The following PAPPA2 variants were observed in gnomAD, a reference collection of about 807,000 sequenced individuals.
PAPPA2 encodes pappalysin 2, also known as pappalysin-2.
A neutral mutation model predicts 176.4 loss-of-function variants in PAPPA2; 86 were observed. That is an observed-to-expected ratio of 0.49 (90% CI 0.41 to 0.58). The LOEUF is 0.58. PAPPA2 is among the 20% of genes least tolerant of loss of function. The probability of loss-of-function intolerance (pLI) is 0.00; values close to 1 mark genes in which losing one functional copy is unlikely to be tolerated. For missense variants in PAPPA2, 2,073 were observed against 2,256.9 expected (o/e 0.92, Z 1.65); for synonymous variants, 809 against 852.2 (o/e 0.95, Z 0.88).
At chr1:176,725,155 C>T (rs1293303610) in intron 12 of PAPPA2, among the ~76,000 whole-genome samples, 6 of 152,104 alleles carry the variant, frequency 3.9e-5, no homozygotes, top group African/African-American at 9.7e-5. Flanking sequence ...TATATCTCAA[C>T]GAAATTATAT....
chr1:176,644,462 G>A (rs1657277711), intron 3 of PAPPA2, among the ~76,000 whole-genome samples: 1 of 151,750 alleles, frequency 6.6e-6, no homozygotes, highest in Non-Finnish European at 1.5e-5. Flanking sequence ...ATCAAAAGGA[G>A]TTACGTATGG....
chr1:176,477,892 C>T (rs1038240549), intron 1 of PAPPA2, among the ~76,000 whole-genome samples: 1 of 152,204 alleles, frequency 6.6e-6, no homozygotes, highest in African/African-American at 2.4e-5. Flanking sequence ...ATCCCAGACT[C>T]ACCTCTGTCT....
At chr1:176,728,062 A>G (rs559108436) in intron 12 of PAPPA2, among the ~76,000 whole-genome samples, 1 of 152,008 alleles carries the variant, frequency 6.6e-6, no homozygotes, top group Admixed American at 6.5e-5. Context: ...TCAAAATAAG[A>G]TCAACAATCA....
chr1:176,765,721 C>T lies in PAPPA2; in HGVS notation c.4207C>T (p.His1403Tyr), dbSNP rs753684831. ...CAGCTGTCCGTCATTGCTGCTTGAT[C>T]ATGCTGATGTGGTGAACTGTACCTC... The part of the protein sequence containing the change: ...QDSCPSLLLD[H>Y]ADVVNCTSIG... The change falls in exon 15 of 23, where the codon CAT becomes TAT. Residue 1403 changes from histidine to tyrosine, a missense_variant. Coordinates refer to ENST00000367662, the MANE Select transcript of PAPPA2 (RefSeq NM_020318.3). The T allele has an allele frequency of 2.5e-6, 4 of 1,614,104 alleles. No individual in the cohort carries two copies. Among genetic ancestry groups the T allele is most frequent in the Non-Finnish European group, 2.5e-6 (3 of 1,180,030 alleles).
chr1:176,800,480 T>C (rs999159233), intron 21 of PAPPA2, among the ~76,000 whole-genome samples: 1 of 152,200 alleles, frequency 6.6e-6, no homozygotes, highest in African/African-American at 2.4e-5. Context: ...ACAGGTTTAT[T>C]TGGCCAGCAC....
chr1:176,577,729 T>C (rs1652734927), intron 2 of PAPPA2, among the ~76,000 whole-genome samples: 1 of 152,034 alleles, frequency 6.6e-6, no homozygotes, highest in Non-Finnish European at 1.5e-5. Flanking sequence ...GGGTGTTGGA[T>C]AAGTAGTTCT....
chr1:176,778,801 T>G (rs1296647031), intron 17 of PAPPA2, among the ~76,000 whole-genome samples: 1 of 152,212 alleles, frequency 6.6e-6, no homozygotes, highest in East Asian at 1.9e-4. Context: ...CAATAAGACC[T>G]TGCCTGGCTT....
chr1:176,566,750 G>A (rs970662929), intron 2 of PAPPA2, among the ~76,000 whole-genome samples: 17 of 152,024 alleles, frequency 1.1e-4, no homozygotes, highest in Admixed American at 6.5e-5. Flanking sequence ...CCTCCTTTTT[G>A]CACTTCTTTC....
intron 3 of PAPPA2, among the ~76,000 whole-genome samples, chr1:176,643,824 T>C (rs973609319): frequency 1.3e-5 from 2 of 151,630 alleles, no homozygotes; most frequent in African/African-American, 2.4e-5. Flanking sequence ...AGGGGGAGAT[T>C]GATTAGAAGA....
Position 176,663,773 on chromosome 1 carries a change from C to T in PAPPA2, c.1992-7197C>T, listed in dbSNP as rs555779349. Among the ~76,000 whole-genome samples the T allele has an allele frequency of 5.9e-5, 9 of 152,230 alleles. No homozygotes were observed. The East Asian group carries it at 1.7e-3, about 29-fold the overall frequency. ...AACTAAGTTCTTCTGGTCTGAGAGC[C>T]TGTGTTCCTGACACACTGGCTCCCT... is the stretch of plus-strand genomic sequence containing the variant. On this transcript the variant is annotated intron_variant, in intron 3 of 22. Coordinates refer to ENST00000367662, the MANE Select transcript of PAPPA2 (RefSeq NM_020318.3).
chr1:176,841,730 A>G (rs759040355), intron 22 of PAPPA2, among the ~76,000 whole-genome samples: 2 of 152,144 alleles, frequency 1.3e-5, no homozygotes, highest in Non-Finnish European at 2.9e-5. Flanking sequence ...ATACAGCCAC[A>G]AACAATGGGT....
chr1:176,661,672 G>A (rs1023352833), intron 3 of PAPPA2, among the ~76,000 whole-genome samples: 5 of 151,668 alleles, frequency 3.3e-5, no homozygotes, highest in Admixed American at 6.6e-5. Flanking sequence ...GAAGGAAGGC[G>A]GTCATCTCCC....
chr1:176,541,452 C>A (rs908879600), intron 1 of PAPPA2, among the ~76,000 whole-genome samples: 3 of 152,166 alleles, frequency 2.0e-5, no homozygotes, highest in African/African-American at 7.2e-5. Context: ...ATGTCACAAT[C>A]ATTGGAAATT....
At chr1:176,658,219 G>A (rs1345847331) in intron 3 of PAPPA2, among the ~76,000 whole-genome samples, 1 of 151,902 alleles carries the variant, frequency 6.6e-6, no homozygotes, top group African/African-American at 2.4e-5. Context: ...TCTTTATTGT[G>A]TAATAAAGGG....
chr1:176,673,089 G>A (rs1659100588), intron 4 of PAPPA2, among the ~76,000 whole-genome samples: 1 of 152,064 alleles, frequency 6.6e-6, no homozygotes, highest in Non-Finnish European at 1.5e-5. Context: ...TGTTGGGCCT[G>A]TCAGAAAACA....
intron 21 of PAPPA2, among the ~76,000 whole-genome samples, chr1:176,836,231 A>G (rs1272610778): frequency 6.6e-6 from 1 of 152,204 alleles, no homozygotes. Context: ...TGTCATTCAC[A>G]TAACGAGAAG....
chr1:176,687,426 T>C (rs1021480805), intron 4 of PAPPA2, among the ~76,000 whole-genome samples: 2 of 152,130 alleles, frequency 1.3e-5, no homozygotes, highest in Non-Finnish European at 2.9e-5. Flanking sequence ...TTGCAAAATA[T>C]TTTTAGATTT....
chr1:176,576,762 G>T (rs1043112987), intron 2 of PAPPA2, among the ~76,000 whole-genome samples: 1 of 152,160 alleles, frequency 6.6e-6, no homozygotes, highest in African/African-American at 2.4e-5. Context: ...ATCAGAATCC[G>T]CATTTATTCA....
chr1:176,739,695 G>A lies in PAPPA2; in HGVS notation c.3868G>A (p.Gly1290Arg), dbSNP rs143067892. ...IFLTTDGLVPGEHQQPTVTLY... is the reference protein window; with the variant it reads ...IFLTTDGLVPREHQQPTVTLY... ...TTTGACAACTGATGGCCTAGTTCCC[G>A]GAGAGCATCAGCAGCCGACAGTGAC... is the stretch of plus-strand genomic sequence containing the variant. The change falls in exon 13 of 23, where the codon GGA becomes AGA. Residue 1290 changes from glycine (G) to arginine (R), a missense_variant. Gly to Arg is a moderately radical substitution (Grantham distance 125). Transcript: ENST00000367662. 5.2e-5 allele frequency: 84 copies of A among 1,613,604 alleles called. No homozygotes were observed. The highest frequency in any genetic ancestry group is 2.8e-4 in the African/African-American group (21 of 74,982).
Sources: allele counts gnomAD v4.1 joint callset (sites outside exome capture counted in the v4.1 genomes callset), GRCh38; gene constraint gnomAD v4.1.1; transcripts MANE v1.5; gene names NCBI Gene and HGNC (gene_info 2026-07-23, HGNC 2026-07-21).